Variants in TKTL1 observed in about 807,000 individuals in gnomAD.
TKTL1 encodes transketolase like 1.
A neutral mutation model predicts 39.3 loss-of-function variants in TKTL1; 1 was observed. The observed-to-expected ratio is 0.03, with a 90% CI of 0.01 to 0.12. TKTL1 has a LOEUF of 0.12. Ranked by LOEUF, TKTL1 falls within the 10% of genes least tolerant of loss-of-function variation. TKTL1 has a pLI of 1.00. For synonymous variants in TKTL1, 262 were observed against 193.8 expected, an observed-to-expected ratio of 1.35 and a Z score of -2.92; for missense variants, 575 against 509.6, an observed-to-expected ratio of 1.13 and a Z score of -1.24.
intron 1 of TKTL1, among the ~76,000 whole-genome samples, chrX:154,296,598 T>C (rs1343443804): frequency 3.6e-5 from 4 of 111,888 alleles, no homozygotes; most frequent in Non-Finnish European, 7.5e-5. Context: ...TTTGCTGGTA[T>C]GCAGTTGATG....
chrX:154,299,085 G>A (rs1557165305), intron 1 of TKTL1, among the ~76,000 whole-genome samples: 1 of 108,184 alleles, frequency 9.2e-6, no homozygotes, highest in African/African-American at 3.4e-5. Flanking sequence ...CATCACATAG[G>A]TTTTGGTATT....
chrX:154,296,971 A>T (rs2067234694), intron 1 of TKTL1, among the ~76,000 whole-genome samples: 1 of 112,017 alleles, frequency 8.9e-6, no homozygotes, highest in Admixed American at 9.5e-5. Context: ...CAGCCTGGGC[A>T]AGAGCGAGAC....
chrX:154,304,428 C>T (rs1194965305), intron 1 of TKTL1, among the ~76,000 whole-genome samples: 1 of 110,029 alleles, frequency 9.1e-6, no homozygotes, highest in African/African-American at 3.3e-5. Context: ...TTTTTGTGTC[C>T]TTTGAAGCTT....
rs201247947 is a variant in TKTL1 at position 154,296,006 on chromosome X, C to T, written c.134+13C>T. The T allele has an allele frequency of 2.6e-5, 32 of 1,208,114 alleles. 1 individual carries two copies. The East Asian group carries it at 5.0e-4, about 19-fold the overall frequency. The stretch of plus-strand genomic sequence containing the variant: ...CCACGAGCTCCGGGTAAGTTCTCCT[C>T]ATTGAAGTCTGGGTCATGCAGGGCC... On this transcript the variant is annotated intron_variant, in intron 1 of 12. Coordinates refer to ENST00000369915, the MANE Select transcript of TKTL1 (RefSeq NM_012253.4).
rs782641231 is a variant in TKTL1, at chrX:154,327,858, C to T, written c.1518C>T (p.Ile506=). The change falls in exon 12 of 13, where the codon ATC becomes ATT. Residue 506 remains isoleucine (I), a synonymous_variant. Coordinates refer to ENST00000369915, the MANE Select transcript of TKTL1 (RefSeq NM_012253.4). The stretch of plus-strand genomic sequence containing the variant: ...CTGCAGATATTTTTATCCGTGTCAT[C>T]GACCTGTTTACCATTAAACCTCTGG... ...LSKQDIFIRV[I]DLFTIKPLDV... 1.8e-5 allele frequency: 22 copies of T among 1,210,047 alleles called. 1 individual carries two copies. The highest frequency in any genetic ancestry group is 1.2e-4 in the East Asian group (4 of 33,794).
At chrX:154,319,773 C>T (rs1372732546) in intron 7 of TKTL1, among the ~76,000 whole-genome samples, 3 of 108,847 alleles carry the variant, frequency 2.8e-5, no homozygotes, top group Admixed American at 9.8e-5. Context: ...GGAGCACAGA[C>T]CCTCCTTTTG....
In TKTL1 at chrX:154,329,420, C is replaced by T. The variant is rs1245077733; in HGVS notation, c.1619-96C>T. 5.5e-6 allele frequency: 5 copies of T among 909,255 alleles called. No individual in the cohort carries two copies. In the Admixed American group the frequency reaches 1.0e-4, roughly 19 times the overall value. The allele number at this position is 909,255 out of a possible 1,213,427, so 74.9% of individuals were successfully genotyped here. On this transcript the variant is annotated intron_variant, in intron 12 of 12. Coordinates refer to ENST00000369915, the MANE Select transcript of TKTL1 (RefSeq NM_012253.4). ...GGCTGTTCACATGAATCAGATTTTC[C>T]CCTGGGAAGCTGCAGATTCAAAGGC...
chrX:154,302,341 G>T (rs2067280383), intron 1 of TKTL1, among the ~76,000 whole-genome samples: 1 of 111,406 alleles, frequency 9.0e-6, no homozygotes, highest in African/African-American at 3.3e-5. Flanking sequence ...ATCACTTAGG[G>T]CTGTTATAAG....
At chrX:154,303,871 C>G (rs1441786228) in intron 1 of TKTL1, among the ~76,000 whole-genome samples, 2 of 105,374 alleles carry the variant, frequency 1.9e-5, no homozygotes, top group East Asian at 6.2e-4. Flanking sequence ...TTCAGGTCAT[C>G]GTGTTCTCTG....
intron 12 of TKTL1, 74 bp from the exon 13 acceptor site, chrX:154,329,442 A>T: frequency 9.6e-7 from 1 of 1,036,908 alleles, no homozygotes; most frequent in Non-Finnish European, 1.3e-6. Context: ...GCAGATTCAA[A>T]GGCCTCTATG....
At chrX:154,320,060 C>T (rs1465803913) in intron 7 of TKTL1, among the ~76,000 whole-genome samples, 24 of 112,383 alleles carry the variant, frequency 2.1e-4, no homozygotes, top group African/African-American at 7.4e-4. Context: ...CAGCAGCGCC[C>T]ATGAGGCGAC....
chrX:154,301,755 C>CTT (rs782331518), intron 1 of TKTL1, among the ~76,000 whole-genome samples: 15 of 90,490 alleles, frequency 1.7e-4, no homozygotes, highest in African/African-American at 4.9e-4. Flanking sequence ...CATTTTCTTT[C>CTT]TTTTTTTTTT....
intron 1 of TKTL1, among the ~76,000 whole-genome samples, chrX:154,304,199 A>G (rs2067297412): frequency 9.0e-6 from 1 of 110,865 alleles, no homozygotes; most frequent in Non-Finnish European, 1.9e-5. Flanking sequence ...GTTTTCTCTC[A>G]CTGAGCCAGG....
intron 7 of TKTL1, among the ~76,000 whole-genome samples, chrX:154,317,824 G>A (rs782718227): frequency 2.7e-5 from 3 of 111,223 alleles, no homozygotes; most frequent in African/African-American, 9.8e-5. Context: ...GCACCTGGGG[G>A]AAGGTGGTGT....
intron 9 of TKTL1, among the ~76,000 whole-genome samples, chrX:154,324,290 A>C (rs2067476656): frequency 3.6e-5 from 4 of 110,803 alleles, no homozygotes; most frequent in Non-Finnish European, 7.6e-5. Flanking sequence ...GGTGCACTCC[A>C]CCACGGCCGG....
rs898626696 is a variant in TKTL1 at position 154,327,668 on chromosome X, T to G, written c.1479T>G (p.Ala493=). The G allele has an allele frequency of 3.3e-6, 4 of 1,210,952 alleles. No individual in the cohort carries two copies. The East Asian group carries it at 1.2e-4, about 36-fold the overall frequency. The change falls in exon 11 of 13, where the codon GCT becomes GCG. Residue 493 remains alanine (A), a synonymous_variant. Transcript: ENST00000369915. ...CTGTGTATGAAGCCTTAGCAGCTGC[T>G]GATGAGCTTTCGAAACAAGGTCAGT... The part of the protein sequence containing the change: ...GITVYEALAA[A]DELSKQDIFI...
At chrX:154,324,430 G>A (rs1029830562) in intron 9 of TKTL1, among the ~76,000 whole-genome samples, 1 of 112,740 alleles carries the variant, frequency 8.9e-6, no homozygotes, top group African/African-American at 3.2e-5. Flanking sequence ...ATGAGCCACC[G>A]CACCTGGCCA....
At chrX:154,317,289 T>C (rs1057442259) in intron 7 of TKTL1, among the ~76,000 whole-genome samples, 4 of 111,898 alleles carry the variant, frequency 3.6e-5, no homozygotes, top group East Asian at 5.6e-4. Flanking sequence ...GTGGCTACAA[T>C]GTAGAGCTTG....
chrX:154,318,845 A>G (rs2067426199), intron 7 of TKTL1, among the ~76,000 whole-genome samples: 2 of 110,644 alleles, frequency 1.8e-5, no homozygotes, highest in South Asian at 7.5e-4. Flanking sequence ...CTTGATTTCC[A>G]ATTTCCATTC....
Sources: gnomAD v4.1 joint callset for allele counts (sites outside exome capture counted in the v4.1 genomes callset) on GRCh38, gnomAD v4.1.1 for gene constraint, MANE v1.5 for transcripts, NCBI Gene and HGNC (gene_info 2026-07-23, HGNC 2026-07-21) for gene names.